Variants in DSCAML1 observed in about 807,000 individuals in gnomAD.
DSCAML1 encodes the protein DS cell adhesion molecule like 1.
A neutral mutation model predicts 200.5 loss-of-function variants in DSCAML1; 38 were observed. The observed-to-expected ratio is 0.19, with a 90% confidence interval of 0.15 to 0.25. DSCAML1 has a LOEUF of 0.25. Ranked by LOEUF, DSCAML1 falls within the 10% of genes least tolerant of loss-of-function variation. DSCAML1 has a pLI of 1.00. For missense variants in DSCAML1, 2,223 were observed against 2,858.8 expected, an observed-to-expected ratio of 0.78 and a Z score of 5.07; for synonymous variants, 1,215 against 1,165.0, an observed-to-expected ratio of 1.04 and a Z score of -0.87.
intron 3 of DSCAML1, among the ~76,000 whole-genome samples, chr11:117,695,229 G>A (rs1226748024): frequency 2.0e-5 from 3 of 152,140 alleles, no homozygotes; most frequent in East Asian, 1.9e-4. Flanking sequence ...ATGCGAGAAA[G>A]GCAAAGACAT....
chr11:117,521,437 T>C (rs2049886144), intron 5 of DSCAML1, 32 bp from the exon 6 acceptor site: 5 of 1,600,654 alleles, frequency 3.1e-6, no homozygotes, highest in Non-Finnish European at 3.4e-6. Context: ...TGAGGGGAAA[T>C]GGGAGGGAGG....
intron 3 of DSCAML1, among the ~76,000 whole-genome samples, chr11:117,695,561 G>T (rs2053576086): frequency 6.6e-6 from 1 of 152,250 alleles, no homozygotes; most frequent in African/African-American, 2.4e-5. Context: ...TAGATGCAGG[G>T]AAGAGCTCAC....
rs2054179415 is a variant in DSCAML1 at position 117,729,161 on chromosome 11, G to T, written c.511+47630C>A. ...TGACAATGGTGCCAAGACCACTCAG[G>T]AGAGGGGAAAGGACAATGTTTTCAA... is the stretch of plus-strand genomic sequence containing the variant. On this transcript the variant is annotated intron_variant, in intron 3 of 32. Transcript: ENST00000651296. 2.6e-5 allele frequency among the ~76,000 whole-genome samples: 4 copies of T among 152,298 alleles called. No homozygotes were observed. In the South Asian group the frequency reaches 6.2e-4, roughly 24 times the overall value.
intron 11 of DSCAML1, among the ~76,000 whole-genome samples, chr11:117,484,832 G>T (rs1007920245): frequency 6.6e-6 from 1 of 152,064 alleles, no homozygotes; most frequent in African/African-American, 2.4e-5. Context: ...CCTTCCTGGG[G>T]AGGAATCCTG....
chr11:117,521,972 C>A (rs1005384520), intron 5 of DSCAML1, among the ~76,000 whole-genome samples: 1 of 152,222 alleles, frequency 6.6e-6, no homozygotes, highest in Non-Finnish European at 1.5e-5. Context: ...GCCAGCCACT[C>A]GCTGCTCAGA....
chr11:117,707,955 A>C (rs1464077028), intron 3 of DSCAML1, among the ~76,000 whole-genome samples: 4 of 152,200 alleles, frequency 2.6e-5, no homozygotes, highest in African/African-American at 9.7e-5. Context: ...CAGAGGTTGA[A>C]GCAGAGACTG....
chr11:117,588,431 C>T (rs1480692100), intron 3 of DSCAML1, among the ~76,000 whole-genome samples: 1 of 152,180 alleles, frequency 6.6e-6, no homozygotes, highest in African/African-American at 2.4e-5. Flanking sequence ...GGCAAATTAA[C>T]CAGGGATAAC....
At chr11:117,531,734 A>C (rs2137341660) in intron 4 of DSCAML1, among the ~76,000 whole-genome samples, 1 of 151,960 alleles carries the variant, frequency 6.6e-6, no homozygotes, top group East Asian at 1.9e-4. Flanking sequence ...AAAAACACAA[A>C]AATTAGCCGG....
At position 117,503,073 on chromosome 11, in the gene DSCAML1, G is replaced by A. The variant is rs956425661; in HGVS notation, c.2359+772C>T. Among the ~76,000 whole-genome samples the A allele has an allele frequency of 1.3e-5, 2 of 152,142 alleles. No homozygotes were observed. The highest frequency in any genetic ancestry group is 4.8e-5 in the African/African-American group (2 of 41,418). ...CAGACACCTGCAGCGTAAAGGGAGAGGCTCACCCAGTAGGGATATCTGTAT... is the reference window on the plus strand; with the variant it reads ...CAGACACCTGCAGCGTAAAGGGAGAAGCTCACCCAGTAGGGATATCTGTAT... On this transcript the variant is annotated intron_variant, in intron 11 of 32. Transcript: ENST00000651296. The surrounding 1 kb of genome is among the most constrained non-coding windows in gnomAD (Gnocchi z 5.2).
intron 3 of DSCAML1, among the ~76,000 whole-genome samples, chr11:117,645,367 G>A (rs914783364): frequency 2.6e-5 from 4 of 152,140 alleles, no homozygotes; most frequent in Non-Finnish European, 4.4e-5. Context: ...AATTAAAAGG[G>A]GTGAGGAGAG....
At chr11:117,530,642 C>T (rs2050061189) in intron 4 of DSCAML1, among the ~76,000 whole-genome samples, 1 of 152,144 alleles carries the variant, frequency 6.6e-6, no homozygotes, top group African/African-American at 2.4e-5. Flanking sequence ...GGGTTGTTGC[C>T]CTCCCAGCTC....
At chr11:117,715,164 T>G (rs902843517) in intron 3 of DSCAML1, among the ~76,000 whole-genome samples, 32 of 151,976 alleles carry the variant, frequency 2.1e-4, no homozygotes, top group Admixed American at 3.3e-4. Flanking sequence ...TTCCATCACT[T>G]TTCTTCAGGG....
At chr11:117,588,270 C>A (rs551584237) in intron 3 of DSCAML1, among the ~76,000 whole-genome samples, 226 of 152,248 alleles carry the variant, frequency 1.5e-3, no homozygotes, top group African/African-American at 4.0e-3. Context: ...GTCTGCCAGC[C>A]GTGCCCATGA....
chr11:117,745,534 C>T (rs1237775041), intron 3 of DSCAML1, among the ~76,000 whole-genome samples: 1 of 152,128 alleles, frequency 6.6e-6, no homozygotes, highest in Admixed American at 6.5e-5. Context: ...CTCCTAGTCT[C>T]ACCGACCTAC....
rs2050038619 is a variant in DSCAML1 at position 117,529,680 on chromosome 11, T to G, written c.658+2696A>C. ...TCCAATGCACTGCCATTTGTGCCAT[T>G]CTCATCCGCAACAAGCCCCAGGAGC... On this transcript the variant is annotated intron_variant, in intron 4 of 32. Transcript: ENST00000651296. 1.3e-5 allele frequency among the ~76,000 whole-genome samples: 2 copies of G among 150,898 alleles called. 1 individual carries two copies. Among genetic ancestry groups the G allele is most frequent in the South Asian group, 4.2e-4 (2 of 4,754 alleles).
rs1036516336 is a variant in DSCAML1, at chr11:117,428,328, C to T, written c.6162G>A (p.Ter2054=). 12 of 1,530,926 alleles carry T rather than the reference C, an allele frequency of 7.8e-6. No individual in the cohort carries two copies. Among genetic ancestry groups the T allele is most frequent in the East Asian group, 4.5e-5 (2 of 44,232 alleles). The allele number at this position is 1,530,926 out of a possible 1,614,324, so 94.8% of individuals were successfully genotyped here. Residue 2054 remains the stop codon, a stop_retained_variant, in exon 33 of 33, where the codon TAG becomes TAA. Coordinates refer to ENST00000651296, the MANE Select transcript of DSCAML1 (RefSeq NM_020693.4). ...GGCGTGGCTGCTCTTCCTGCGGGCC[C>T]TACACCAGGGTGTAGGATTTGGAGT... ...GAYSKSYTLV[*]
chr11:117,588,616 A>T (rs2051198143), intron 3 of DSCAML1, among the ~76,000 whole-genome samples: 1 of 152,164 alleles, frequency 6.6e-6, no homozygotes, highest in Non-Finnish European at 1.5e-5. Flanking sequence ...TTGCCGGGCC[A>T]CCACACTCTG....
intron 3 of DSCAML1, among the ~76,000 whole-genome samples, chr11:117,544,854 G>A (rs1243056216): frequency 1.3e-5 from 2 of 152,190 alleles, no homozygotes; most frequent in Non-Finnish European, 2.9e-5. Flanking sequence ...CAATGCAACT[G>A]TATCTGGAGA....
intron 3 of DSCAML1, among the ~76,000 whole-genome samples, chr11:117,548,035 G>C (rs770694801): frequency 1.3e-5 from 2 of 152,112 alleles, no homozygotes; most frequent in African/African-American, 2.4e-5. Flanking sequence ...CTGCATACTC[G>C]TCTCTACTGG....
Sources: allele counts gnomAD v4.1 joint callset (sites outside exome capture counted in the v4.1 genomes callset), GRCh38; gene constraint gnomAD v4.1.1; non-coding constraint Gnocchi (gnomAD v3.1); transcripts MANE v1.5; gene names NCBI Gene and HGNC (gene_info 2026-07-23, HGNC 2026-07-21).